CNTLN: variants seen among roughly 807,000 people sequenced by gnomAD.
CNTLN encodes centlein, centrosomal protein.
A neutral mutation model predicts 180.0 loss-of-function variants in CNTLN; 212 were observed. The ratio of observed to expected loss-of-function variants is 1.18; its 90% CI spans 1.05 to 1.32. The LOEUF is 1.32. CNTLN is among the 40% of genes most tolerant of loss of function. The pLI is 0.00. For missense variants in CNTLN, 2,095 were observed against 1,610.9 expected (o/e 1.30, Z -5.14); for synonymous variants, 722 against 563.1 (o/e 1.28, Z -3.99).
At chr9:17,287,896 CT>C (rs1829091911) in intron 6 of CNTLN, among the ~76,000 whole-genome samples, 1 of 146,054 alleles carries the variant, frequency 6.8e-6, no homozygotes, top group Non-Finnish European at 1.5e-5. Context: ...ATTCTTCTCT[CT>C]TTTTTTCTTT....
chr9:17,277,454 T>C (rs1391813586), intron 6 of CNTLN, among the ~76,000 whole-genome samples: 3 of 152,068 alleles, frequency 2.0e-5, no homozygotes, highest in African/African-American at 7.2e-5. Flanking sequence ...TGAGTTTTCT[T>C]TGGAGAATGA....
At chr9:17,306,480 T>TA (rs1818725631) in intron 7 of CNTLN, among the ~76,000 whole-genome samples, 1 of 152,122 alleles carries the variant, frequency 6.6e-6, no homozygotes, top group South Asian at 2.1e-4. Flanking sequence ...AGGCAGAAGT[T>TA]AGATGAGAGG....
At chr9:17,219,305 G>C (rs558937343) in intron 2 of CNTLN, among the ~76,000 whole-genome samples, 36 of 148,900 alleles carry the variant, frequency 2.4e-4, no homozygotes, top group Admixed American at 1.7e-3. Flanking sequence ...TGTATTAATT[G>C]AATTGACCAG....
intron 23 of CNTLN, among the ~76,000 whole-genome samples, chr9:17,469,983 G>T (rs1331183432): frequency 6.6e-6 from 1 of 151,886 alleles, no homozygotes; most frequent in Non-Finnish European, 1.5e-5. Flanking sequence ...GTGGCTAATT[G>T]CTATCTCAAT....
intron 2 of CNTLN, among the ~76,000 whole-genome samples, chr9:17,158,964 A>G (rs780354643): frequency 6.6e-6 from 1 of 151,938 alleles, no homozygotes; most frequent in Non-Finnish European, 1.5e-5. Flanking sequence ...CTTCCTTGAT[A>G]TAGGCATTTA....
chr9:17,298,637 AG>A, intron 7 of CNTLN: 1 of 1,047,376 alleles, frequency 9.5e-7, no homozygotes, highest in Non-Finnish European at 1.1e-6. Flanking sequence ...GAAACATACT[AG>A]GAGTATAGTC....
chr9:17,510,140 T>C, the CNTLN span, among the ~76,000 whole-genome samples: 5 of 152,084 alleles, frequency 3.3e-5, no homozygotes, highest in African/African-American at 1.2e-4. Context: ...GGACTGCTAA[T>C]GGCCCAGACA....
intron 2 of CNTLN, among the ~76,000 whole-genome samples, chr9:17,219,700 G>C (rs987951851): frequency 6.6e-6 from 1 of 152,024 alleles, no homozygotes; most frequent in Non-Finnish European, 1.5e-5. Flanking sequence ...GTGTGCATCA[G>C]AATCGCTTGA....
chr9:17,225,238 C>T (rs1824390960), intron 2 of CNTLN, among the ~76,000 whole-genome samples: 2 of 152,040 alleles, frequency 1.3e-5, no homozygotes, highest in South Asian at 4.2e-4. Flanking sequence ...TTAGCATTCC[C>T]ATCCCACACA....
chr9:17,151,064 T>C (rs1157519199), intron 2 of CNTLN, among the ~76,000 whole-genome samples: 1 of 152,182 alleles, frequency 6.6e-6, no homozygotes, highest in Non-Finnish European at 1.5e-5. Context: ...CATGGGGTTT[T>C]CTAAATGTAC....
At chr9:17,230,192 G>A (rs1048394931) in intron 3 of CNTLN, among the ~76,000 whole-genome samples, 2 of 152,156 alleles carry the variant, frequency 1.3e-5, no homozygotes, top group Non-Finnish European at 2.9e-5. Flanking sequence ...CTTGTGATTG[G>A]CTGAATGCTT....
intron 2 of CNTLN, among the ~76,000 whole-genome samples, chr9:17,169,382 T>C (rs925796243): frequency 6.6e-6 from 1 of 152,192 alleles, no homozygotes; most frequent in Non-Finnish European, 1.5e-5. Flanking sequence ...GCTCCAGATA[T>C]CCTTGGTACA....
intron 16 of CNTLN, among the ~76,000 whole-genome samples, chr9:17,414,009 C>T (rs1260519321): frequency 1.3e-5 from 2 of 152,182 alleles, no homozygotes; most frequent in Non-Finnish European, 2.9e-5. Flanking sequence ...ACATCTGTAA[C>T]ACAGGAAACT....
intron 12 of CNTLN, among the ~76,000 whole-genome samples, chr9:17,359,669 C>G (rs978934470): frequency 1.2e-4 from 17 of 142,902 alleles, no homozygotes; most frequent in African/African-American, 4.4e-4. Context: ...ATCACGAGGT[C>G]CGGAGATCAA....
chr9:17,192,239 CT>C (rs202082553), intron 2 of CNTLN, among the ~76,000 whole-genome samples: 4,566 of 134,432 alleles, frequency 0.034, 120 homozygotes, highest in East Asian at 0.12. Context: ...AGGCCCTATT[CT>C]TTTTTTTTTT....
chr9:17,454,434 A>G (rs983023837), intron 18 of CNTLN, among the ~76,000 whole-genome samples: 8 of 152,196 alleles, frequency 5.3e-5, no homozygotes, highest in Admixed American at 1.3e-4. Context: ...TCTGCCTTCA[A>G]TACCTGTGTA....
At chr9:17,198,208 C>G (rs1175880144) in intron 2 of CNTLN, among the ~76,000 whole-genome samples, 2 of 151,838 alleles carry the variant, frequency 1.3e-5, no homozygotes, top group Non-Finnish European at 2.9e-5. Context: ...ATATCTTTGG[C>G]TATTTTGGGT....
intron 18 of CNTLN, among the ~76,000 whole-genome samples, chr9:17,423,722 GTGGGGTGA>G (rs1828888560): frequency 6.6e-6 from 1 of 152,126 alleles, no homozygotes; most frequent in Non-Finnish European, 1.5e-5. Context: ...TTTCCTACCA[GTGGGGTGA>G]AGGACTCCTC....
intron 8 of CNTLN, 151 bp downstream of exon 8, chr9:17,309,403 G>T: frequency 1.8e-6 from 1 of 560,314 alleles, no homozygotes; most frequent in Non-Finnish European, 3.0e-6. Context: ...TTTTTATACT[G>T]TTTGTAGGCA....
Sources: allele counts gnomAD v4.1 joint callset (sites outside exome capture counted in the v4.1 genomes callset), GRCh38; gene constraint gnomAD v4.1.1; transcripts MANE v1.5; gene names NCBI Gene and HGNC (gene_info 2026-07-23, HGNC 2026-07-21).